Variants in SLC2A13 observed in about 807,000 individuals in gnomAD.
The protein encoded by SLC2A13 is proton myo-inositol cotransporter.
In SLC2A13, 32 loss-of-function variants were observed where a neutral mutation model predicts 64.4. That is an observed-to-expected ratio of 0.50 (90% CI 0.37 to 0.67). The LOEUF is 0.67. Ranked by LOEUF, SLC2A13 falls within the 30% of genes least tolerant of loss-of-function variation. SLC2A13 has a pLI of 0.00. For missense variants in SLC2A13, 743 were observed against 829.2 expected (o/e 0.90, Z 1.28); for synonymous variants, 338 against 327.1 (o/e 1.03, Z -0.36).
In SLC2A13 at chr12:39,862,835, T is replaced by C. The variant is rs189530395; in HGVS notation, c.1319+1927A>G. On this transcript the variant is annotated intron_variant, in intron 6 of 9. Coordinates refer to ENST00000280871, the MANE Select transcript of SLC2A13 (RefSeq NM_052885.4). Reference sequence around the variant, plus strand: ...TGGGGATATTCATCACCTCAAGCAATTGTCACTTGTTTGTGTTAGGAACAT... The same window carrying C: ...TGGGGATATTCATCACCTCAAGCAACTGTCACTTGTTTGTGTTAGGAACAT... Among the ~76,000 whole-genome samples, 89 of 152,288 alleles carry C rather than the reference T, an allele frequency of 5.8e-4. 1 individual carries two copies. Among genetic ancestry groups the C allele is most frequent in the Admixed American group, 1.4e-3 (21 of 15,298 alleles).
At chr12:39,957,690 C>A (rs10877835) in intron 3 of SLC2A13, among the ~76,000 whole-genome samples, 18,939 of 152,164 alleles carry the variant, frequency 0.12, 1,250 homozygotes, top group Non-Finnish European at 0.16. Flanking sequence ...ATCAGGGGAG[C>A]CTTTCACTCA....
At chr12:39,885,630 C>G (rs754079748) in intron 4 of SLC2A13, among the ~76,000 whole-genome samples, 1 of 152,134 alleles carries the variant, frequency 6.6e-6, no homozygotes, top group Non-Finnish European at 1.5e-5. Flanking sequence ...AAAATTATCT[C>G]TGGCCTTAGT....
intron 3 of SLC2A13, among the ~76,000 whole-genome samples, chr12:39,995,955 T>G (rs975759203): frequency 6.6e-6 from 1 of 152,218 alleles, no homozygotes; most frequent in Non-Finnish European, 1.5e-5. Flanking sequence ...CTAAACCTCT[T>G]TCTTTTGTAA....
chr12:39,771,359 A>C (rs1001902505), intron 7 of SLC2A13, among the ~76,000 whole-genome samples: 5 of 152,182 alleles, frequency 3.3e-5, no homozygotes, highest in Admixed American at 6.5e-5. Flanking sequence ...GAAGTCTCTC[A>C]TTCCCTTGCT....
At chr12:39,844,573 A>G (rs1176303977) in intron 6 of SLC2A13, among the ~76,000 whole-genome samples, 2 of 152,026 alleles carry the variant, frequency 1.3e-5, no homozygotes, top group Non-Finnish European at 2.9e-5. Flanking sequence ...AAATATAAAT[A>G]ATTAATCAAG....
intron 4 of SLC2A13, among the ~76,000 whole-genome samples, chr12:39,887,563 G>A (rs1035254649): frequency 6.6e-6 from 1 of 152,174 alleles, no homozygotes; most frequent in African/African-American, 2.4e-5. Context: ...GTGATGGTGG[G>A]GCAAGAAATT....
intron 4 of SLC2A13, among the ~76,000 whole-genome samples, chr12:39,930,671 G>A (rs527362652): frequency 3.7e-4 from 57 of 152,306 alleles, no homozygotes; most frequent in African/African-American, 1.3e-3. Context: ...GCCTTTCACA[G>A]TAAGATTTAT....
At chr12:40,098,472 G>A (rs1939037799) in intron 1 of SLC2A13, among the ~76,000 whole-genome samples, 1 of 152,198 alleles carries the variant, frequency 6.6e-6, no homozygotes, top group African/African-American at 2.4e-5. Flanking sequence ...AATGGGTTAA[G>A]AGTATAAATG....
intron 4 of SLC2A13, among the ~76,000 whole-genome samples, chr12:39,896,574 A>ATG (rs138064379): frequency 1.5e-5 from 2 of 137,346 alleles, no homozygotes; most frequent in Admixed American, 1.5e-4. Context: ...ATATGTATGT[A>ATG]TGTGTGTATA....
At chr12:39,935,287 A>T (rs1267622503) in intron 4 of SLC2A13, among the ~76,000 whole-genome samples, 1 of 152,210 alleles carries the variant, frequency 6.6e-6, no homozygotes, top group African/African-American at 2.4e-5. Context: ...ATTATAAATC[A>T]TTAGATATGT....
Position 39,897,583 on chromosome 12 carries a change from A to G in SLC2A13, c.1035-25622T>C, listed in dbSNP as rs79373328. On this transcript the variant is annotated intron_variant, in intron 4 of 9. Coordinates refer to ENST00000280871, the MANE Select transcript of SLC2A13 (RefSeq NM_052885.4). ...TTTTATCTGCTCTGTCCAATGTCCA[A>G]TATGGCAGGAACCAACCACATGCAG... 3.6e-3 allele frequency among the ~76,000 whole-genome samples: 542 copies of G among 152,304 alleles called. 3 individuals carry two copies. Among genetic ancestry groups the G allele is most frequent in the African/African-American group, 0.012 (517 of 41,582 alleles).
At chr12:39,991,602 C>G (rs1038411135) in intron 3 of SLC2A13, among the ~76,000 whole-genome samples, 1 of 152,180 alleles carries the variant, frequency 6.6e-6, no homozygotes, top group Non-Finnish European at 1.5e-5. Context: ...CATGGGTGCT[C>G]TCTTTAGAAT....
At chr12:40,003,149 C>G (rs1381994553) in intron 3 of SLC2A13, among the ~76,000 whole-genome samples, 2 of 152,076 alleles carry the variant, frequency 1.3e-5, no homozygotes, top group Non-Finnish European at 2.9e-5. Flanking sequence ...TACAGTTCAC[C>G]CAACACAACT....
At chr12:40,090,466 G>A (rs564903417) in intron 1 of SLC2A13, among the ~76,000 whole-genome samples, 48 of 152,140 alleles carry the variant, frequency 3.2e-4, no homozygotes, top group Non-Finnish European at 6.6e-4. Context: ...TTTTGAGTTA[G>A]ATTAAGTAGC....
intron 1 of SLC2A13, among the ~76,000 whole-genome samples, chr12:40,055,176 A>G (rs1232408090): frequency 5.3e-5 from 8 of 152,202 alleles, no homozygotes; most frequent in Admixed American, 1.3e-4. Context: ...GGCTTAAGAC[A>G]CTCAGAAAAG....
intron 3 of SLC2A13, among the ~76,000 whole-genome samples, chr12:39,960,546 AT>A (rs909111662): frequency 6.6e-6 from 1 of 151,864 alleles, no homozygotes. Context: ...TGCCTGGCTA[AT>A]TTTTTTATTT....
At position 39,764,553 on chromosome 12, in the gene SLC2A13, T is replaced by C; in HGVS notation, c.1627A>G (p.Thr543Ala). The change falls in exon 9 of 10, where the codon ACA becomes GCA. Residue 543 changes from threonine to alanine, a missense_variant. This residue lies in a region of SLC2A13 where 295 missense variants were observed against 381.7 expected (regional missense o/e 0.77). Transcript: ENST00000280871. ...SEIYPLWARS[T>A]GNACSSGINW... Reference sequence around the variant, plus strand: ...ATTCCAGATGAACATGCATTTCCTGTACTTCTTGCCCAAAGGGGATATATT... The same window carrying C: ...ATTCCAGATGAACATGCATTTCCTGCACTTCTTGCCCAAAGGGGATATATT... 1 of 1,611,690 alleles carries C rather than the reference T, an allele frequency of 6.2e-7. No individual in the cohort carries two copies. Among genetic ancestry groups the C allele is most frequent in the Non-Finnish European group, 8.5e-7 (1 of 1,179,134 alleles).
At chr12:39,851,501 T>C (rs1943467400) in intron 6 of SLC2A13, among the ~76,000 whole-genome samples, 2 of 152,240 alleles carry the variant, frequency 1.3e-5, no homozygotes, top group African/African-American at 2.4e-5. Context: ...TATTAATCTA[T>C]AAGCAAGATG....
chr12:39,954,796 C>A (rs1946290081), intron 3 of SLC2A13, among the ~76,000 whole-genome samples: 1 of 152,100 alleles, frequency 6.6e-6, no homozygotes, highest in South Asian at 2.1e-4. Context: ...GGGACCAATT[C>A]ATCAAGAGAA....
Sources: allele counts gnomAD v4.1 joint callset (sites outside exome capture counted in the v4.1 genomes callset), GRCh38; gene constraint gnomAD v4.1.1; regional missense constraint gnomAD v4.1.1; transcripts MANE v1.5; gene names NCBI Gene and HGNC (gene_info 2026-07-23, HGNC 2026-07-21).